LEKR1: variants seen among roughly 807,000 people sequenced by gnomAD.
LEKR1 encodes protein LEKR1.
LEKR1 carries 59 observed loss-of-function variants against 72.4 expected under a neutral mutation model. That is an observed-to-expected ratio of 0.82 (90% CI 0.66 to 1.01). The LOEUF is 1.01. LEKR1 is among the 50% of genes least tolerant of loss of function. LEKR1 has a pLI of 0.00. For missense variants in LEKR1, 728 were observed against 759.2 expected, an observed-to-expected ratio of 0.96 and a Z score of 0.48; for synonymous variants, 257 against 263.2, an observed-to-expected ratio of 0.98 and a Z score of 0.23.
At chr3:156,961,517 C>G (rs1171459338) in intron 6 of LEKR1, among the ~76,000 whole-genome samples, 2 of 152,172 alleles carry the variant, frequency 1.3e-5, no homozygotes, top group African/African-American at 4.8e-5. Context: ...ACAAATAGAA[C>G]CATACAATAT....
In LEKR1 at chr3:156,958,759, A is replaced by T. The variant is rs567207269; in HGVS notation, c.745+16045A>T. Among the ~76,000 whole-genome samples, 4 of 152,140 alleles carry T rather than the reference A, an allele frequency of 2.6e-5. No homozygotes were observed. In the Middle Eastern group the frequency reaches 0.014, roughly 517 times the overall value. The stretch of plus-strand genomic sequence containing the variant: ...GTATGCAGGTGTCCTTCAACTCTTC[A>T]TGGGTCTTCACAAGACTTCTCACCT... On this transcript the variant is annotated intron_variant, in intron 6 of 12. Coordinates refer to ENST00000356539, the MANE Select transcript of LEKR1 (RefSeq NM_001004316.3).
At chr3:156,979,370 C>A (rs1729981368) in intron 7 of LEKR1, 95 bp downstream of exon 7, 3 of 517,928 alleles carry the variant, frequency 5.8e-6, no homozygotes, top group South Asian at 1.7e-5. Flanking sequence ...ATTATAAAGA[C>A]CCTGGTGTGT....
chr3:156,847,574 C>T (rs147486468), intron 2 of LEKR1, among the ~76,000 whole-genome samples: 6 of 152,304 alleles, frequency 3.9e-5, no homozygotes, highest in African/African-American at 1.2e-4. Context: ...TCTCAAGTTT[C>T]ACAAAAATGC....
intron 2 of LEKR1, among the ~76,000 whole-genome samples, chr3:156,829,872 AACTC>A (rs996378404): frequency 2.0e-5 from 3 of 152,096 alleles, no homozygotes; most frequent in Admixed American, 6.6e-5. Context: ...GGTTTGAAAA[AACTC>A]ACAGGCGAAC....
At chr3:157,012,535 CT>C (rs1413123049) in intron 10 of LEKR1, among the ~76,000 whole-genome samples, 1 of 152,112 alleles carries the variant, frequency 6.6e-6, no homozygotes, top group African/African-American at 2.4e-5. Context: ...TTTAGGTATT[CT>C]TGCTGCCTCA....
At chr3:156,893,782 T>C (rs1720907798) in intron 3 of LEKR1, among the ~76,000 whole-genome samples, 1 of 152,166 alleles carries the variant, frequency 6.6e-6, no homozygotes, top group African/African-American at 2.4e-5. Context: ...GCCTCAGCAA[T>C]GCAAAAATAG....
chr3:157,014,702 A>G (rs1195907357), intron 10 of LEKR1, among the ~76,000 whole-genome samples: 1 of 152,200 alleles, frequency 6.6e-6, no homozygotes, highest in Non-Finnish European at 1.5e-5. Context: ...AATTAATAAA[A>G]TCTGAAAATT....
At chr3:157,034,063 A>AG (rs1734804283) in intron 12 of LEKR1, among the ~76,000 whole-genome samples, 2 of 151,000 alleles carry the variant, frequency 1.3e-5, no homozygotes, top group Admixed American at 1.3e-4. Context: ...AAAAAAAAAA[A>AG]TCCCTTTCAA....
intron 3 of LEKR1, among the ~76,000 whole-genome samples, chr3:156,891,306 G>GA (rs747404875): frequency 1.3e-5 from 2 of 152,090 alleles, no homozygotes; most frequent in African/African-American, 2.4e-5. Flanking sequence ...ATAAGGGTAA[G>GA]AAAAAAGCAT....
chr3:156,872,934 G>A (rs1220348046), intron 3 of LEKR1, among the ~76,000 whole-genome samples: 1 of 152,010 alleles, frequency 6.6e-6, no homozygotes, highest in Non-Finnish European at 1.5e-5. Flanking sequence ...TAGAGGAAAT[G>A]TTCTGTATAT....
intron 7 of LEKR1, among the ~76,000 whole-genome samples, chr3:156,987,305 G>T (rs1168475341): frequency 1.3e-5 from 2 of 152,100 alleles, no homozygotes; most frequent in African/African-American, 4.8e-5. Context: ...CTGGTGTGGG[G>T]CAGGGGAAGG....
chr3:156,889,261 G>A (rs1345574595), intron 3 of LEKR1, among the ~76,000 whole-genome samples: 1 of 150,120 alleles, frequency 6.7e-6, no homozygotes, highest in Non-Finnish European at 1.5e-5. Flanking sequence ...AAAAAGTTAT[G>A]TTTTGCCTAA....
chr3:156,985,542 A>G (rs1463468982), intron 7 of LEKR1, among the ~76,000 whole-genome samples: 1 of 152,168 alleles, frequency 6.6e-6, no homozygotes, highest in African/African-American at 2.4e-5. Flanking sequence ...AAATGCGATT[A>G]AGAATTTTGA....
intron 7 of LEKR1, among the ~76,000 whole-genome samples, chr3:156,982,622 A>G (rs531371658): frequency 1.3e-5 from 2 of 152,298 alleles, no homozygotes; most frequent in East Asian, 3.9e-4. Context: ...GAAGGTAACC[A>G]GTAGCGTTTG....
chr3:156,993,891 G>T (rs1264400141), intron 9 of LEKR1, among the ~76,000 whole-genome samples: 1 of 151,894 alleles, frequency 6.6e-6, no homozygotes, highest in East Asian at 1.9e-4. Flanking sequence ...CTATGTCTTT[G>T]CTCATTCTTT....
At chr3:156,970,405 A>G (rs1290417554) in intron 6 of LEKR1, among the ~76,000 whole-genome samples, 3 of 152,196 alleles carry the variant, frequency 2.0e-5, no homozygotes, top group Admixed American at 1.3e-4. Flanking sequence ...GTCCTTGCCC[A>G]TGCCTATGTC....
chr3:156,897,953 C>CAAAA (rs553211208), intron 3 of LEKR1, among the ~76,000 whole-genome samples: 1 of 95,006 alleles, frequency 1.1e-5, no homozygotes. Context: ...ACTCTGTCTC[C>CAAAA]AAAAAAAAAA....
At chr3:156,999,024 C>T (rs760730353) in intron 9 of LEKR1, among the ~76,000 whole-genome samples, 5 of 152,096 alleles carry the variant, frequency 3.3e-5, no homozygotes, top group Non-Finnish European at 5.9e-5. Flanking sequence ...TGAGTTCTCA[C>T]GAGATCTGAT....
intron 10 of LEKR1, 33 bp downstream of exon 10, chr3:157,011,539 C>T (rs1732886127): frequency 4.9e-6 from 7 of 1,435,206 alleles, no homozygotes; most frequent in Non-Finnish European, 6.9e-6. Flanking sequence ...CAGCATGCAA[C>T]CTATTTGCAT....
Sources: allele counts gnomAD v4.1 joint callset (sites outside exome capture counted in the v4.1 genomes callset), GRCh38; gene constraint gnomAD v4.1.1; transcripts MANE v1.5; gene names NCBI Gene and HGNC (gene_info 2026-07-23, HGNC 2026-07-21).